The following WDR37 variants were observed in gnomAD, a reference collection of about 807,000 sequenced individuals.
WDR37 encodes the protein WD repeat domain 37.
A neutral mutation model predicts 62.9 loss-of-function variants in WDR37; 19 were observed. That is an observed-to-expected ratio of 0.30 (90% CI 0.21 to 0.44). The LOEUF is 0.44. WDR37 is among the 20% of genes least tolerant of loss of function. The pLI, the probability that WDR37 is intolerant of heterozygous loss-of-function variation, is 1.00. For missense variants in WDR37, 474 were observed against 657.6 expected, an observed-to-expected ratio of 0.72 and a Z score of 3.05; for synonymous variants, 250 against 260.9, an observed-to-expected ratio of 0.96 and a Z score of 0.40.
At chr10:1,089,224 G>A (rs1273191232) in intron 7 of WDR37, among the ~76,000 whole-genome samples, 1 of 151,988 alleles carries the variant, frequency 6.6e-6, no homozygotes, top group Non-Finnish European at 1.5e-5. Context: ...GAGGCGAGCA[G>A]CTGGCCCGCT....
chr10:1,084,636 T>C lies in WDR37; in HGVS notation c.532+98T>C. On this transcript the variant is annotated intron_variant, in intron 6 of 13. Transcript: ENST00000263150. ...TTTTCTGTGGCAGAGGAACCCTAGA[T>C]GCAAAAGCGTCATGGAGGAGTCAGT... 10 of 1,534,300 alleles carry C rather than the reference T, an allele frequency of 6.5e-6. No individual in the cohort carries two copies. In the South Asian group the frequency reaches 9.6e-5, roughly 15 times the overall value.
chr10:1,063,028 G>A (rs369442654), intron 1 of WDR37, among the ~76,000 whole-genome samples: 34 of 151,668 alleles, frequency 2.2e-4, no homozygotes, highest in African/African-American at 4.9e-4. Context: ...GGAGGTTGCA[G>A]TGAGCCAAGA....
intron 11 of WDR37, among the ~76,000 whole-genome samples, chr10:1,122,327 C>T (rs7899518): frequency 1.3e-5 from 2 of 151,988 alleles, no homozygotes; most frequent in African/African-American, 4.8e-5. Context: ...TGCTTCAGTG[C>T]GGGGTGAGGC....
intron 7 of WDR37, among the ~76,000 whole-genome samples, chr10:1,086,837 C>G (rs1834218614): frequency 6.6e-6 from 1 of 152,234 alleles, no homozygotes; most frequent in Non-Finnish European, 1.5e-5. Context: ...TCACGTAGCT[C>G]TTTTCTGCCT....
At chr10:1,087,227 T>A (rs920082360) in intron 7 of WDR37, among the ~76,000 whole-genome samples, 2 of 152,168 alleles carry the variant, frequency 1.3e-5, no homozygotes, top group Non-Finnish European at 2.9e-5. Context: ...GACCCCCTCC[T>A]CCGTGCTGCC....
At chr10:1,124,469 G>C (rs763216355) in intron 12 of WDR37, 117 bp downstream of exon 12, 3 of 1,421,096 alleles carry the variant, frequency 2.1e-6, no homozygotes, top group Non-Finnish European at 2.9e-6. Flanking sequence ...AATGGTTTAG[G>C]CTCCTTTGTC....
At chr10:1,113,325 C>G (rs1275424269) in intron 11 of WDR37, among the ~76,000 whole-genome samples, 1 of 152,138 alleles carries the variant, frequency 6.6e-6, no homozygotes, top group Admixed American at 6.5e-5. Flanking sequence ...AATTGTCCTG[C>G]TTATTGACAG....
Position 1,103,868 on chromosome 10 carries a change from G to A in WDR37, c.961+32G>A. ...GGGTTCTCTGAGTCCGCCGCCTCCT[G>A]GCTGTGCATGTTAGTTTATGTCCAT... On this transcript the variant is annotated intron_variant, in intron 10 of 13. Coordinates refer to ENST00000263150, the MANE Select transcript of WDR37 (RefSeq NM_014023.4). The surrounding 1 kb of genome is among the most constrained non-coding windows in gnomAD (Gnocchi z 6.3). 1.2e-6 allele frequency: 2 copies of A among 1,605,396 alleles called. No homozygotes were observed. Among genetic ancestry groups the A allele is most frequent in the Non-Finnish European group, 1.7e-6 (2 of 1,174,432 alleles).
chr10:1,100,489 T>A (rs1834757228), intron 9 of WDR37, among the ~76,000 whole-genome samples: 1 of 152,248 alleles, frequency 6.6e-6, no homozygotes, highest in Admixed American at 6.5e-5. Flanking sequence ...CAGTTCTAAT[T>A]TTCAATTTTA....
intron 13 of WDR37, 53 bp from the exon 14 acceptor site, chr10:1,129,159 TA>T (rs1458098879): frequency 1.2e-6 from 2 of 1,600,796 alleles, no homozygotes; most frequent in Non-Finnish European, 1.7e-6. Flanking sequence ...TGAGGTCTTA[TA>T]ATCTTACTTT....
intron 9 of WDR37, among the ~76,000 whole-genome samples, chr10:1,100,012 A>G (rs1371311093): frequency 6.6e-6 from 1 of 152,264 alleles, no homozygotes; most frequent in Admixed American, 6.5e-5. Flanking sequence ...CAGGAAATTC[A>G]AAGGAGTTAA....
intron 1 of WDR37, among the ~76,000 whole-genome samples, chr10:1,067,849 TGTG>T (rs1463243782): frequency 2.0e-5 from 3 of 151,978 alleles, no homozygotes; most frequent in Admixed American, 1.3e-4. Context: ...ATAAATAAAA[TGTG>T]GTGCGCACAC....
At chr10:1,073,545 A>G (rs965737253) in intron 2 of WDR37, among the ~76,000 whole-genome samples, 38 of 152,234 alleles carry the variant, frequency 2.5e-4, no homozygotes, top group Non-Finnish European at 4.3e-4. Context: ...GTGTTCAAAA[A>G]AATTACAAAA....
At chr10:1,127,750 G>C (rs1281998406) in intron 13 of WDR37, among the ~76,000 whole-genome samples, 1 of 152,132 alleles carries the variant, frequency 6.6e-6, no homozygotes, top group South Asian at 2.1e-4. Context: ...TCCCTGTGAT[G>C]TGGAGGCCCG....
intron 3 of WDR37, among the ~76,000 whole-genome samples, chr10:1,079,374 T>G (rs1330240489): frequency 6.6e-6 from 1 of 150,720 alleles, no homozygotes; most frequent in Non-Finnish European, 1.5e-5. Flanking sequence ...CATGAGATAC[T>G]GTGCCCAGCC....
chr10:1,066,479 GTA>G (rs1833557741), intron 1 of WDR37, among the ~76,000 whole-genome samples: 1 of 152,176 alleles, frequency 6.6e-6, no homozygotes, highest in African/African-American at 2.4e-5. Context: ...AATAAATACT[GTA>G]TTCATAGATT....
At chr10:1,064,934 A>T (rs1833492414) in intron 1 of WDR37, among the ~76,000 whole-genome samples, 1 of 152,108 alleles carries the variant, frequency 6.6e-6, no homozygotes, top group South Asian at 2.1e-4. Context: ...GGGCATAAGG[A>T]AGTGGCAGGA....
chr10:1,077,735 T>A (rs994150505), intron 2 of WDR37, among the ~76,000 whole-genome samples, 172 bp from the exon 3 acceptor site: 3 of 152,226 alleles, frequency 2.0e-5, no homozygotes, highest in African/African-American at 7.2e-5. Context: ...TGATTTATAG[T>A]CTCCTTGGCA....
intron 1 of WDR37, among the ~76,000 whole-genome samples, chr10:1,058,376 C>T (rs992429772): frequency 6.6e-6 from 1 of 152,180 alleles, no homozygotes; most frequent in African/African-American, 2.4e-5. Context: ...GTGTTTCCCT[C>T]CTCCTCTTTT....
Sources: gnomAD v4.1 joint callset for allele counts (sites outside exome capture counted in the v4.1 genomes callset) on GRCh38, gnomAD v4.1.1 for gene constraint, Gnocchi (gnomAD v3.1) non-coding constraint, MANE v1.5 for transcripts, NCBI Gene and HGNC (gene_info 2026-07-23, HGNC 2026-07-21) for gene names.